The following CAPZA2 variants were observed in gnomAD, a reference collection of about 807,000 sequenced individuals.
The protein encoded by CAPZA2 is F-actin-capping protein subunit alpha-2.
Under a neutral mutation model 44.0 loss-of-function variants are expected in CAPZA2, and 13 were observed. That is an observed-to-expected ratio of 0.30 (90% CI 0.19 to 0.47). The LOEUF is 0.47. Ranked by LOEUF, CAPZA2 falls within the 20% of genes least tolerant of loss-of-function variation. The pLI is 1.00. For missense variants in CAPZA2, 244 were observed against 338.6 expected, an observed-to-expected ratio of 0.72 and a Z score of 2.19; for synonymous variants, 94 against 108.2, an observed-to-expected ratio of 0.87 and a Z score of 0.81.
intron 1 of CAPZA2, among the ~76,000 whole-genome samples, chr7:116,863,922 A>G (rs945074543): frequency 6.6e-6 from 1 of 152,180 alleles, no homozygotes; most frequent in Non-Finnish European, 1.5e-5. Context: ...GTGAATGGTC[A>G]GAAGTCAGCC....
At chr7:116,880,782 C>A (rs932277911) in intron 1 of CAPZA2, among the ~76,000 whole-genome samples, 5 of 122,274 alleles carry the variant, frequency 4.1e-5, no homozygotes, top group African/African-American at 9.2e-5. Context: ...TGGTGTGATA[C>A]GGCTCACTGC....
At chr7:116,872,738 T>G (rs1161565390) in intron 1 of CAPZA2, among the ~76,000 whole-genome samples, 1 of 152,242 alleles carries the variant, frequency 6.6e-6, no homozygotes, top group Admixed American at 6.5e-5. Flanking sequence ...AGTGGAAAAG[T>G]GCATAGTGGC....
intron 2 of CAPZA2, among the ~76,000 whole-genome samples, chr7:116,892,478 T>C (rs1423151510): frequency 6.6e-6 from 1 of 152,194 alleles, no homozygotes; most frequent in East Asian, 1.9e-4. Flanking sequence ...CCTAAATCTT[T>C]TCTGCAGACT....
chr7:116,896,430 A>C (rs1796928903), intron 3 of CAPZA2, among the ~76,000 whole-genome samples: 1 of 152,164 alleles, frequency 6.6e-6, no homozygotes, highest in Non-Finnish European at 1.5e-5. Context: ...GTGGAGAGTC[A>C]GACATGTTTA....
At chr7:116,887,265 G>A (rs548785636) in intron 1 of CAPZA2, among the ~76,000 whole-genome samples, 5 of 152,014 alleles carry the variant, frequency 3.3e-5, no homozygotes, top group East Asian at 3.9e-4. Context: ...ACTGGCTCAC[G>A]CCTGTAATCC....
chr7:116,892,596 T>C (rs1008696047), intron 2 of CAPZA2, among the ~76,000 whole-genome samples: 1 of 152,048 alleles, frequency 6.6e-6, no homozygotes, highest in Admixed American at 6.6e-5. Context: ...AGAAGAAGAA[T>C]TGTCTTGGGC....
At chr7:116,871,758 AT>A (rs1796556618) in intron 1 of CAPZA2, among the ~76,000 whole-genome samples, 1 of 152,182 alleles carries the variant, frequency 6.6e-6, no homozygotes, top group Non-Finnish European at 1.5e-5. Context: ...TATCTTTGTT[AT>A]AACATTTACC....
chr7:116,886,986 A>C (rs1796770201), intron 1 of CAPZA2, among the ~76,000 whole-genome samples: 1 of 152,202 alleles, frequency 6.6e-6, no homozygotes. Flanking sequence ...GTTGATGTTC[A>C]ATCTCCTACT....
At chr7:116,900,119 T>C (rs1434904388) in intron 4 of CAPZA2, among the ~76,000 whole-genome samples, 3 of 151,578 alleles carry the variant, frequency 2.0e-5, no homozygotes, top group Non-Finnish European at 4.4e-5. Flanking sequence ...TCATTAAAAA[T>C]AAAAATTCTA....
intron 1 of CAPZA2, among the ~76,000 whole-genome samples, chr7:116,880,696 CTTTTTTTTTTTTTTTTTT>C (rs557434747): frequency 6.9e-4 from 17 of 24,684 alleles, no homozygotes; most frequent in East Asian, 4.4e-3. Flanking sequence ...TGTAACCTGC[CTTTTTTTTTTTTTTTTTT>C]TTTTTTTTTT....
chr7:116,865,177 CTTTTTTTTT>C lies in CAPZA2; in HGVS notation c.39+2545_39+2553del, dbSNP rs1011886318. Among the ~76,000 whole-genome samples the C allele has an allele frequency of 1.4e-3, 121 of 87,988 alleles. 1 individual carries two copies. The highest frequency in any genetic ancestry group is 3.2e-3 in the African/African-American group (74 of 22,892). The allele number at this position is 87,988 out of a possible 152,430, so 57.7% of individuals were successfully genotyped here. A position where few individuals can be genotyped will look rare whatever the true frequency, so the allele number is the denominator to read the frequency against. ...TTCTTGTGACATTATGCGCTCTCTT[CTTTTTTTTT>C]TTTTTTTTTTTTTTTTTGATACAGA... On this transcript the variant is annotated intron_variant, in intron 1 of 9. Transcript: ENST00000361183.
Position 116,904,211 on chromosome 7 carries a change from G to A in CAPZA2, c.254G>A (p.Gly85Glu). 1.9e-6 allele frequency: 3 copies of A among 1,613,804 alleles called. No individual in the cohort carries two copies. The highest frequency in any genetic ancestry group is 2.5e-6 in the Non-Finnish European group (3 of 1,179,832). ...LITEHGDLGNGKFLDPKNRIC... is the reference protein window; with the variant it reads ...LITEHGDLGNEKFLDPKNRIC... The stretch of plus-strand genomic sequence containing the variant: ...ACAGAACATGGCGACTTGGGAAATG[G>A]AAAGTTTTTGGATCCAAAGAACAGA... The change falls in exon 5 of 10, where the codon GGA becomes GAA. Residue 85 changes from glycine to glutamate, a missense_variant. Gly to Glu is a moderately conservative substitution (Grantham distance 98). Transcript: ENST00000361183.
At chr7:116,877,014 G>A (rs1796630957) in intron 1 of CAPZA2, among the ~76,000 whole-genome samples, 1 of 152,190 alleles carries the variant, frequency 6.6e-6, no homozygotes, top group South Asian at 2.1e-4. Context: ...GCTACTCAGA[G>A]ATAAGAAGGA....
chr7:116,921,806 G>C lies in CAPZA2; in HGVS notation c.*3939G>C, dbSNP rs565827733. 2 of 152,300 alleles carry C rather than the reference G, an allele frequency of 1.3e-5. No homozygotes were observed. The highest frequency in any genetic ancestry group is 4.1e-4 in the South Asian group (2 of 4,828). The allele number at this position is 152,300 out of a possible 1,614,324, so 9.4% of individuals were successfully genotyped here. A position where few individuals can be genotyped will look rare whatever the true frequency, so the allele number is the denominator to read the frequency against. ...AACGGAGTGACTGGCTGAGGGGAGA[G>C]AGGAGAGGACTTAAGCAACTGTGCC... On this transcript the variant is annotated 3_prime_UTR_variant, in exon 10 of 10. Transcript: ENST00000361183.
In CAPZA2 at chr7:116,916,038, ATTT is replaced by A; in HGVS notation, c.658-20_658-18del. The A allele has an allele frequency of 7.3e-7, 1 of 1,375,170 alleles. No homozygotes were observed. The highest frequency in any genetic ancestry group is 9.9e-7 in the Non-Finnish European group (1 of 1,014,890). 85.2% of individuals were successfully genotyped at this position (1,375,170 alleles called of 1,614,324 possible). ...GGTTTAGTTTTAAATTACTATTTTT[ATTT>A]TGTTTTTTTTTTTTTCAGAATGAAG... is the stretch of plus-strand genomic sequence containing the variant. On this transcript the variant is annotated intron_variant, in intron 8 of 9. Transcript: ENST00000361183.
Position 116,918,027 on chromosome 7 carries a change from CATT to C in CAPZA2, c.*164_*166del. ...AGAGCACAAAGCTTAGCTAATCAACCATTATTTTTCATTTTGTTTGTTCTAAGA... is the reference window on the plus strand; with the variant it reads ...AGAGCACAAAGCTTAGCTAATCAACCATTTTTCATTTTGTTTGTTCTAAGA... On this transcript the variant is annotated 3_prime_UTR_variant, in exon 10 of 10. Transcript: ENST00000361183. 3.6e-6 allele frequency: 2 copies of C among 558,984 alleles called. No individual in the cohort carries two copies. Among genetic ancestry groups the C allele is most frequent in the Non-Finnish European group, 3.2e-6 (1 of 313,522 alleles). The allele number at this position is 558,984 out of a possible 1,614,324, so 34.6% of individuals were successfully genotyped here.
intron 2 of CAPZA2, among the ~76,000 whole-genome samples, chr7:116,891,293 G>A (rs1796843674): frequency 6.6e-6 from 1 of 152,106 alleles, no homozygotes; most frequent in African/African-American, 2.4e-5. Flanking sequence ...ACTGGAATAG[G>A]CATACTGTCC....
chr7:116,880,571 TATTTTAGTAGAA>T (rs1284780273), intron 1 of CAPZA2, among the ~76,000 whole-genome samples: 2 of 151,758 alleles, frequency 1.3e-5, no homozygotes, highest in Non-Finnish European at 2.9e-5. Flanking sequence ...CTAATTTTTG[TATTTTAGTAGAA>T]ACGGTTTTTT....
At chr7:116,913,110 C>T (rs1791618922) in intron 8 of CAPZA2, among the ~76,000 whole-genome samples, 1 of 152,164 alleles carries the variant, frequency 6.6e-6, no homozygotes, top group South Asian at 2.1e-4. Context: ...ATCCTTTGCT[C>T]ATTTCCTAAT....
Sources: gnomAD v4.1 joint callset for allele counts (sites outside exome capture counted in the v4.1 genomes callset) on GRCh38, gnomAD v4.1.1 for gene constraint, MANE v1.5 for transcripts, NCBI Gene and HGNC (gene_info 2026-07-23, HGNC 2026-07-21) for gene names.